Variants in WHRN observed in about 807,000 individuals in gnomAD.
WHRN encodes whirlin, also known as CASK-interacting protein CIP98.
WHRN carries 41 observed loss-of-function variants against 68.3 expected under a neutral mutation model. The observed-to-expected ratio is 0.60, with a 90% CI of 0.47 to 0.78. The LOEUF is 0.78. Ranked by LOEUF, WHRN falls within the 30% of genes least tolerant of loss-of-function variation. The pLI, the probability that WHRN is intolerant of heterozygous loss-of-function variation, is 0.00. For missense variants in WHRN, 1,243 were observed against 1,244.7 expected (o/e 1.00, Z 0.02); for synonymous variants, 560 against 561.3 (o/e 1.00, Z 0.03).
chr9:114,418,013 C>T (rs1404595870), intron 7 of WHRN, among the ~76,000 whole-genome samples: 1 of 152,122 alleles, frequency 6.6e-6, no homozygotes, highest in Non-Finnish European at 1.5e-5. Flanking sequence ...GAGTGGAGTA[C>T]CGGTGTGGGG....
rs1564137192 is a variant in WHRN, at chr9:114,425,009, G to T, written c.1182C>A (p.Leu394=). ...CTACCTTGTTTATTCCTTCTGTTGT[G>T]AGATCGCCAAGAAACCTGTGGGGAA... ...MANSAGFLGD[L]TTEGINKPGF... Residue 394 remains leucine (L), a synonymous_variant, in exon 5 of 12, where the codon CTC becomes CTA. Transcript: ENST00000362057. The T allele has an allele frequency of 6.2e-7, 1 of 1,614,204 alleles. No homozygotes were observed. Among genetic ancestry groups the T allele is most frequent in the Non-Finnish European group, 8.5e-7 (1 of 1,180,022 alleles).
intron 2 of WHRN, among the ~76,000 whole-genome samples, chr9:114,466,603 C>T (rs1248538335): frequency 6.6e-6 from 1 of 152,190 alleles, no homozygotes; most frequent in Non-Finnish European, 1.5e-5. Context: ...GGAAGCCCCT[C>T]ACCCCCTCTT....
chr9:114,425,353 G>T (rs1836728556), intron 4 of WHRN: 1 of 602,970 alleles, frequency 1.7e-6, no homozygotes, highest in African/African-American at 1.9e-5. Flanking sequence ...CAACCTCAGG[G>T]TCAGGCCAAC....
chr9:114,482,466 T>C (rs1842165904), intron 1 of WHRN, among the ~76,000 whole-genome samples: 1 of 152,172 alleles, frequency 6.6e-6, no homozygotes, highest in South Asian at 2.1e-4. Context: ...TTGGGCCGGT[T>C]GCTTCCCCTT....
intron 3 of WHRN, among the ~76,000 whole-genome samples, chr9:114,430,986 A>G (rs1265735316): frequency 2.0e-5 from 3 of 152,042 alleles, no homozygotes; most frequent in Non-Finnish European, 4.4e-5. Context: ...ACTTGTTGGA[A>G]AGCTTCCCCA....
intron 3 of WHRN, among the ~76,000 whole-genome samples, chr9:114,461,282 TC>T (rs1374252728): frequency 6.6e-6 from 1 of 152,176 alleles, no homozygotes; most frequent in Non-Finnish European, 1.5e-5. Context: ...GTGAAAATCA[TC>T]CCTCATCTTA....
At chr9:114,480,557 C>T (rs1027899678) in intron 1 of WHRN, among the ~76,000 whole-genome samples, 2 of 152,148 alleles carry the variant, frequency 1.3e-5, no homozygotes, top group South Asian at 4.1e-4. Context: ...AGTGGGCCCT[C>T]ACCAGAACCC....
At chr9:114,503,217 C>T in intron 1 of WHRN, 1 of 985,394 alleles carries the variant, frequency 1.0e-6, no homozygotes, top group African/African-American at 1.7e-5. Flanking sequence ...AACACCTGCG[C>T]TGGCGGGGAG....
chr9:114,505,220 G>A lies in WHRN; in HGVS notation c.-419C>T, dbSNP rs369727645. Reference sequence around the variant, plus strand: ...CTGACTGCCCCGTCACACCATGCCCGGGGCTCCCCCAGCCGGGCGCCCGTT... The same window carrying A: ...CTGACTGCCCCGTCACACCATGCCCAGGGCTCCCCCAGCCGGGCGCCCGTT... On this transcript the variant is annotated 5_prime_UTR_variant, in exon 1 of 12. Transcript: ENST00000362057. 4.2e-5 allele frequency: 7 copies of A among 167,310 alleles called. No homozygotes were observed. The highest frequency in any genetic ancestry group is 1.3e-5 in the Non-Finnish European group (1 of 78,804). The allele number at this position is 167,310 out of a possible 1,614,324, so 10.4% of individuals were successfully genotyped here.
chr9:114,424,595 C>T (rs749085684), intron 5 of WHRN, 49 bp from the exon 6 acceptor site: 11 of 1,554,812 alleles, frequency 7.1e-6, no homozygotes, highest in Non-Finnish European at 9.6e-6. Context: ...TGCTCTAGAG[C>T]TGAGTGGCCA....
At chr9:114,404,385 C>T (rs1168871032) in intron 9 of WHRN, among the ~76,000 whole-genome samples, 1 of 152,258 alleles carries the variant, frequency 6.6e-6, no homozygotes, top group South Asian at 2.1e-4. Flanking sequence ...GCAAACCTAG[C>T]CCACAGATGT....
chr9:114,489,092 C>A (rs548793758), intron 1 of WHRN, among the ~76,000 whole-genome samples: 1 of 152,162 alleles, frequency 6.6e-6, no homozygotes, highest in Middle Eastern at 3.2e-3. Flanking sequence ...GGCCTTTGCA[C>A]GTGATGCTCT....
Position 114,406,875 on chromosome 9 carries a change from G to A in WHRN, c.1716C>T (p.Thr572=), listed in dbSNP as rs760471578. The change falls in exon 9 of 12, where the codon ACC becomes ACT. Residue 572 remains threonine (T), a synonymous_variant. Coordinates refer to ENST00000362057, the MANE Select transcript of WHRN (RefSeq NM_015404.4). ...PDVSVDDVRS[T]SQGLSSFKPL... ...GCTTGAAGCTTGACAGCCCCTGGGA[G>A]GTGGATCTGACATCATCCTGCCAAA... is the stretch of plus-strand genomic sequence containing the variant. 95 of 1,580,804 alleles carry A rather than the reference G, an allele frequency of 6.0e-5. 1 individual carries two copies. The East Asian group carries it at 1.3e-3, about 22-fold the overall frequency.
intron 7 of WHRN, among the ~76,000 whole-genome samples, chr9:114,417,972 T>A (rs922057357): frequency 7.9e-5 from 12 of 152,278 alleles, no homozygotes; most frequent in Middle Eastern, 3.4e-3. Flanking sequence ...AGTGAGGGGC[T>A]TTCTTGAGAG....
chr9:114,442,773 C>G (rs1838484514), intron 3 of WHRN, among the ~76,000 whole-genome samples: 1 of 152,184 alleles, frequency 6.6e-6, no homozygotes, highest in African/African-American at 2.4e-5. Context: ...GAGGTCCTCA[C>G]CTAAAGCAGT....
chr9:114,446,875 A>C (rs1318163712), intron 3 of WHRN, among the ~76,000 whole-genome samples: 1 of 151,912 alleles, frequency 6.6e-6, no homozygotes, highest in Non-Finnish European at 1.5e-5. Context: ...AAGCTGTTGG[A>C]GCATGTCTCC....
intron 2 of WHRN, among the ~76,000 whole-genome samples, chr9:114,476,627 C>G (rs147357618): frequency 6.6e-6 from 1 of 152,114 alleles, no homozygotes; most frequent in Non-Finnish European, 1.5e-5. Flanking sequence ...TCTCACTCTT[C>G]CCACCACCTC....
intron 3 of WHRN, among the ~76,000 whole-genome samples, chr9:114,451,584 C>T (rs981749878): frequency 1.3e-5 from 2 of 152,088 alleles, no homozygotes; most frequent in Non-Finnish European, 2.9e-5. Flanking sequence ...ACAGGAAAAC[C>T]CCAAGTGAAG....
intron 3 of WHRN, among the ~76,000 whole-genome samples, chr9:114,431,904 C>T (rs201112593): frequency 6.6e-6 from 1 of 152,176 alleles, no homozygotes; most frequent in South Asian, 2.1e-4. Flanking sequence ...CACAGCTAAC[C>T]GTGGAAACAC....
Sources: allele counts gnomAD v4.1 joint callset (sites outside exome capture counted in the v4.1 genomes callset), GRCh38; gene constraint gnomAD v4.1.1; transcripts MANE v1.5; gene names NCBI Gene and HGNC (gene_info 2026-07-23, HGNC 2026-07-21).